The following SLC7A13 variants were observed in gnomAD, a reference collection of about 807,000 sequenced individuals.
The protein encoded by SLC7A13 is X-amino acid transporter 2.
In SLC7A13, 31 loss-of-function variants were observed where a neutral mutation model predicts 32.0. The observed-to-expected ratio is 0.97, with a 90% CI of 0.73 to 1.31. SLC7A13 has a LOEUF of 1.31. Ranked by LOEUF, SLC7A13 falls within the 50% of genes most tolerant of loss-of-function variation. The probability of loss-of-function intolerance (pLI) is 0.00; values close to 1 mark genes in which losing one functional copy is unlikely to be tolerated. For synonymous variants in SLC7A13, 232 were observed against 206.9 expected, an observed-to-expected ratio of 1.12 and a Z score of -1.04; for missense variants, 633 against 546.9, an observed-to-expected ratio of 1.16 and a Z score of -1.57.
At position 86,230,380 on chromosome 8, in the gene SLC7A13, C is replaced by T; in HGVS notation, c.-103G>A. 1 of 1,103,148 alleles carries T rather than the reference C, an allele frequency of 9.1e-7. No homozygotes were observed. Among genetic ancestry groups the T allele is most frequent in the Non-Finnish European group, 1.2e-6 (1 of 801,254 alleles). The allele number at this position is 1,103,148 out of a possible 1,614,324, so 68.3% of individuals were successfully genotyped here. On this transcript the variant is annotated 5_prime_UTR_variant, in exon 1 of 4. Coordinates refer to ENST00000297524, the MANE Select transcript of SLC7A13 (RefSeq NM_138817.3). ...GATGGATTCCTGAAATAAAATAATT[C>T]TGTCCTTCCTGTTCCATTTTCGTTA...
rs77015843 is a variant in SLC7A13, at chr8:86,226,413, T to A, written c.685+3180A>T. ...TCCTCTCATGTTCAAAATTCACCAATGACTTCTTACATTATCAATGATGGC... is the reference window on the plus strand; with the variant it reads ...TCCTCTCATGTTCAAAATTCACCAAAGACTTCTTACATTATCAATGATGGC... On this transcript the variant is annotated intron_variant, in intron 1 of 3. Coordinates refer to ENST00000297524, the MANE Select transcript of SLC7A13 (RefSeq NM_138817.3). Among the ~76,000 whole-genome samples the A allele has an allele frequency of 2.8e-3, 422 of 152,290 alleles. 6 individuals carry two copies. The highest frequency in any genetic ancestry group is 9.0e-3 in the African/African-American group (374 of 41,558).
rs1563590413 is a variant in SLC7A13, at chr8:86,223,076, AT to A, written c.712del (p.Ile238PhefsTer12). ...TAACGCAGTAAATATGCATTTGGGA[AT>A]TGTTGTTCTGGGCTTCTTCAGCTCC... ...AGELKKPRTT[I>X]PKCIFTALPL... is the part of the protein sequence containing the mutation. On this transcript the variant is annotated frameshift_variant, in exon 2 of 4. Coordinates refer to ENST00000297524, the MANE Select transcript of SLC7A13 (RefSeq NM_138817.3). LOFTEE classifies it high-confidence loss of function. 6.2e-7 allele frequency: 1 copy of A among 1,604,264 alleles called. No individual in the cohort carries two copies. The highest frequency in any genetic ancestry group is 8.5e-7 in the Non-Finnish European group (1 of 1,175,342).
At chr8:86,227,962 G>T (rs1820416692) in intron 1 of SLC7A13, among the ~76,000 whole-genome samples, 1 of 152,132 alleles carries the variant, frequency 6.6e-6, no homozygotes, top group African/African-American at 2.4e-5. Context: ...GGGGGTAAGG[G>T]TTGAAAAATT....
intron 1 of SLC7A13, among the ~76,000 whole-genome samples, chr8:86,224,853 G>GC (rs1554596729): frequency 6.6e-6 from 1 of 150,794 alleles, no homozygotes; most frequent in Non-Finnish European, 1.5e-5. Flanking sequence ...GAGAAAATTT[G>GC]TTTTTTTTTA....
rs1820140566 is a variant in SLC7A13 at position 86,214,355 on chromosome 8, G to C, written c.*58C>G. The C allele has an allele frequency of 2.1e-6, 2 of 937,306 alleles. No individual in the cohort carries two copies. Among genetic ancestry groups the C allele is most frequent in the Non-Finnish European group, 3.2e-6 (2 of 619,618 alleles). The allele number at this position is 937,306 out of a possible 1,614,324, so 58.1% of individuals were successfully genotyped here. ...TCTATCATATGTTTAACCTTGATTT[G>C]GAATCTGATATATGTTTTTTAGAAG... On this transcript the variant is annotated 3_prime_UTR_variant, in exon 4 of 4. Coordinates refer to ENST00000297524, the MANE Select transcript of SLC7A13 (RefSeq NM_138817.3).
Position 86,229,867 on chromosome 8 carries a change from C to G in SLC7A13, c.411G>C (p.Leu137=). ...CTACAATCCACAACATGGCCAATGC[C>G]AGACATTTCTTAGGCAGCTTTGGGA... ...CSVPKLPKKC[L]ALAMLWIVGI... is the part of the protein sequence containing the mutation. Residue 137 remains leucine (L), a synonymous_variant, in exon 1 of 4, where the codon CTG becomes CTC. Coordinates refer to ENST00000297524, the MANE Select transcript of SLC7A13 (RefSeq NM_138817.3). 1 of 1,614,160 alleles carries G rather than the reference C, an allele frequency of 6.2e-7. No individual in the cohort carries two copies. Among genetic ancestry groups the G allele is most frequent in the Non-Finnish European group, 8.5e-7 (1 of 1,180,034 alleles).
At chr8:86,216,646 T>C (rs1013328471) in intron 3 of SLC7A13, among the ~76,000 whole-genome samples, 15 of 152,182 alleles carry the variant, frequency 9.9e-5, no homozygotes, top group Admixed American at 6.6e-5. Flanking sequence ...TTTCTTATAT[T>C]TTGTATTTAG....
Position 86,230,056 on chromosome 8 carries a change from G to C in SLC7A13, c.222C>G (p.Phe74Leu). 1 of 1,614,168 alleles carries C rather than the reference G, an allele frequency of 6.2e-7. No homozygotes were observed. Among genetic ancestry groups the C allele is most frequent in the Non-Finnish European group, 8.5e-7 (1 of 1,180,040 alleles). The part of the protein sequence containing the change: ...TLCSAEISIS[F>L]PCSGAQYYFL... ...AATAGTATTGAGCTCCACTGCATGG[G>C]AAGCTTATACTTATCTCTGCAGAGC... Residue 74 changes from phenylalanine to leucine, a missense_variant, in exon 1 of 4, where the codon TTC becomes TTG. Transcript: ENST00000297524.
chr8:86,222,502 C>T (rs2976191), intron 2 of SLC7A13, among the ~76,000 whole-genome samples: 1 of 151,818 alleles, frequency 6.6e-6, no homozygotes, highest in African/African-American at 2.4e-5. Context: ...CATGGTAAAC[C>T]GTATTATTTT....
chr8:86,230,074 T>C lies in SLC7A13; in HGVS notation c.204A>G (p.Ala68=). ...ILAMTSTLCS[A]EISISFPCSG... ...TGCATGGGAAGCTTATACTTATCTC[T>C]GCAGAGCAAAGAGTTGATGTCATGG... Residue 68 remains alanine, a synonymous_variant, in exon 1 of 4, where the codon GCA becomes GCG. Transcript: ENST00000297524. The C allele has an allele frequency of 6.2e-7, 1 of 1,614,188 alleles. No individual in the cohort carries two copies. The highest frequency in any genetic ancestry group is 8.5e-7 in the Non-Finnish European group (1 of 1,180,036).
intron 3 of SLC7A13, chr8:86,215,589 G>A (rs191349363): frequency 1.3e-5 from 5 of 373,986 alleles, no homozygotes; most frequent in African/African-American, 1.1e-4. Context: ...GGGAGGCTGA[G>A]GCAGGAGAAT....
chr8:86,222,226 T>G (rs982365710), intron 2 of SLC7A13, among the ~76,000 whole-genome samples: 2 of 152,172 alleles, frequency 1.3e-5, no homozygotes, highest in African/African-American at 4.8e-5. Context: ...ACATTAGTCC[T>G]AAAGGTACTG....
chr8:86,215,717 A>C (rs1267329971), intron 3 of SLC7A13: 1 of 443,214 alleles, frequency 2.3e-6, no homozygotes, highest in Non-Finnish European at 4.5e-6. Flanking sequence ...AAAACAAAGA[A>C]TCTCTTCTTA....
At position 86,214,366 on chromosome 8, in the gene SLC7A13, T is replaced by C. The variant is rs371849619; in HGVS notation, c.*47A>G. On this transcript the variant is annotated 3_prime_UTR_variant, in exon 4 of 4. Coordinates refer to ENST00000297524, the MANE Select transcript of SLC7A13 (RefSeq NM_138817.3). ...TTTAACCTTGATTTGGAATCTGATA[T>C]ATGTTTTTTAGAAGGCCAATTTTTT... 1.5e-5 allele frequency: 16 copies of C among 1,061,312 alleles called. No individual in the cohort carries two copies. In the African/African-American group the frequency reaches 2.1e-4, roughly 14 times the overall value. The allele number at this position is 1,061,312 out of a possible 1,614,324, so 65.7% of individuals were successfully genotyped here.
In SLC7A13 at chr8:86,230,376, A is replaced by G; in HGVS notation, c.-99T>C. On this transcript the variant is annotated 5_prime_UTR_variant, in exon 1 of 4. Coordinates refer to ENST00000297524, the MANE Select transcript of SLC7A13 (RefSeq NM_138817.3). ...TGTTGATGGATTCCTGAAATAAAAT[A>G]ATTCTGTCCTTCCTGTTCCATTTTC... The G allele has an allele frequency of 1.8e-6, 2 of 1,131,468 alleles. No individual in the cohort carries two copies. Among genetic ancestry groups the G allele is most frequent in the Non-Finnish European group, 2.4e-6 (2 of 822,788 alleles). The allele number at this position is 1,131,468 out of a possible 1,614,324, so 70.1% of individuals were successfully genotyped here.
At position 86,229,999 on chromosome 8, in the gene SLC7A13, A is replaced by G; in HGVS notation, c.279T>C (p.Ala93=). Residue 93 remains alanine (A), a synonymous_variant, in exon 1 of 4, where the codon GCT becomes GCC. Coordinates refer to ENST00000297524, the MANE Select transcript of SLC7A13 (RefSeq NM_138817.3). ...FLKRYFGSTV[A]FLNLWTSLFL... ...ACAAGGATGTCCAGAGATTCAAAAA[A>G]GCAACCGTGGAGCCAAAGTATCTCT... 1 of 1,614,198 alleles carries G rather than the reference A, an allele frequency of 6.2e-7. No individual in the cohort carries two copies. Among genetic ancestry groups the G allele is most frequent in the South Asian group, 1.1e-5 (1 of 91,086 alleles).
chr8:86,224,937 T>C (rs1177086075), intron 1 of SLC7A13, among the ~76,000 whole-genome samples: 4 of 152,072 alleles, frequency 2.6e-5, no homozygotes, highest in Non-Finnish European at 5.9e-5. Context: ...CTATGTTGCC[T>C]GGACTGGTCT....
Position 86,217,487 on chromosome 8 carries a change from G to T in SLC7A13, c.1162C>A (p.Leu388Ile), listed in dbSNP as rs747879978. 2.5e-6 allele frequency: 4 copies of T among 1,583,398 alleles called. No homozygotes were observed. The highest frequency in any genetic ancestry group is 2.6e-6 in the Non-Finnish European group (3 of 1,168,914). The part of the protein sequence containing the change: ...ILRRRYQEPN[L>I]SIPYKVFLSF... Reference sequence around the variant, plus strand: ...AATTTTACCTTATAAGGTATAGATAGATTGGGTTCCTGGTATCTCCGCCTT... The same window carrying T: ...AATTTTACCTTATAAGGTATAGATATATTGGGTTCCTGGTATCTCCGCCTT... The change falls in exon 3 of 4, where the codon CTA (leucine) becomes ATA (isoleucine). Residue 388 changes from leucine to isoleucine, a missense_variant. Transcript: ENST00000297524.
chr8:86,228,431 G>A (rs1418269651), intron 1 of SLC7A13, among the ~76,000 whole-genome samples: 1 of 152,178 alleles, frequency 6.6e-6, no homozygotes, highest in Non-Finnish European at 1.5e-5. Flanking sequence ...CTGGAGTGCA[G>A]TGGTGCAATC....
Sources: allele counts gnomAD v4.1 joint callset (sites outside exome capture counted in the v4.1 genomes callset), GRCh38; gene constraint gnomAD v4.1.1; transcripts MANE v1.5; gene names NCBI Gene and HGNC (gene_info 2026-07-23, HGNC 2026-07-21).